HMCN1: variants seen among roughly 807,000 people sequenced by gnomAD.
The protein encoded by HMCN1 is hemicentin-1.
In HMCN1, 321 loss-of-function variants were observed where a neutral mutation model predicts 625.9. That is an observed-to-expected ratio of 0.51 (90% CI 0.47 to 0.56). The LOEUF (loss-of-function observed/expected upper bound fraction) is 0.56, where lower values mean the gene tolerates loss of function less well. Ranked by LOEUF, HMCN1 falls within the 20% of genes least tolerant of loss-of-function variation. HMCN1 has a pLI of 0.00. For synonymous variants in HMCN1, 2,425 were observed against 2,417.6 expected (o/e 1.00, Z -0.09); for missense variants, 6,588 against 6,887.3 (o/e 0.96, Z 1.54).
intron 96 of HMCN1, among the ~76,000 whole-genome samples, chr1:186,153,507 CTT>C (rs1196037682): frequency 6.6e-6 from 1 of 151,900 alleles, no homozygotes; most frequent in African/African-American, 2.4e-5. Context: ...TTTCTACAAA[CTT>C]ATTTTTCTAG....
chr1:185,993,090 G>T (rs1224135331), intron 22 of HMCN1, 92 bp from the exon 23 acceptor site: 4 of 1,259,550 alleles, frequency 3.2e-6, no homozygotes, highest in South Asian at 2.4e-5. Flanking sequence ...AAAACTACTT[G>T]CAGAGTAGTA....
At chr1:185,981,515 C>T (rs1219373056) in intron 17 of HMCN1, among the ~76,000 whole-genome samples, 2 of 151,940 alleles carry the variant, frequency 1.3e-5, no homozygotes, top group East Asian at 1.9e-4. Context: ...ACTAAAATAC[C>T]CATTTGATCA....
At chr1:186,109,393 C>T (rs1660775175) in intron 71 of HMCN1, among the ~76,000 whole-genome samples, 1 of 152,194 alleles carries the variant, frequency 6.6e-6, no homozygotes, top group Non-Finnish European at 1.5e-5. Flanking sequence ...ATGCATATCA[C>T]TTAACCCTCC....
intron 89 of HMCN1, among the ~76,000 whole-genome samples, chr1:186,140,006 A>T (rs1259100644): frequency 6.6e-6 from 1 of 152,186 alleles, no homozygotes; most frequent in Non-Finnish European, 1.5e-5. Flanking sequence ...AAGAGTTGCA[A>T]GAAGAGTACA....
chr1:186,006,434 A>T (rs1031695015), intron 29 of HMCN1, among the ~76,000 whole-genome samples: 3 of 152,156 alleles, frequency 2.0e-5, no homozygotes, highest in African/African-American at 7.2e-5. Flanking sequence ...GACTTTAACA[A>T]CCAAATTTTA....
chr1:186,162,064 C>A (rs1427254949), intron 97 of HMCN1, among the ~76,000 whole-genome samples: 1 of 152,190 alleles, frequency 6.6e-6, no homozygotes, highest in East Asian at 1.9e-4. Context: ...ACCAATCAGA[C>A]GTAGATTTGG....
chr1:186,087,882 G>A lies in HMCN1; in HGVS notation c.9364-50G>A, dbSNP rs373805338. The A allele has an allele frequency of 8.1e-6, 12 of 1,480,750 alleles. No individual in the cohort carries two copies. In the African/African-American group the frequency reaches 1.5e-4, roughly 19 times the overall value. The allele number at this position is 1,480,750 out of a possible 1,614,324, so 91.7% of individuals were successfully genotyped here. ...TAATCTAAACTCGAACAGTATGATT[G>A]GTCATCTATAACTTAATGGAGCACA... On this transcript the variant is annotated intron_variant, in intron 60 of 106. Coordinates refer to ENST00000271588, the MANE Select transcript of HMCN1 (RefSeq NM_031935.3).
intron 86 of HMCN1, 93 bp downstream of exon 86, chr1:186,132,502 T>G: frequency 1.0e-6 from 1 of 991,518 alleles, no homozygotes. Flanking sequence ...AGCAAGTTCA[T>G]TAGTGGTAGC....
chr1:186,070,976 T>C (rs1658444211), intron 52 of HMCN1, among the ~76,000 whole-genome samples: 1 of 152,190 alleles, frequency 6.6e-6, no homozygotes. Context: ...AAAGTTTGCA[T>C]AATTATTTTG....
At chr1:186,162,795 C>T (rs543282024) in intron 97 of HMCN1, among the ~76,000 whole-genome samples, 62 of 152,286 alleles carry the variant, frequency 4.1e-4, no homozygotes, top group African/African-American at 1.4e-3. Flanking sequence ...GAGGAGTACC[C>T]GGCCCTGTGA....
intron 4 of HMCN1, among the ~76,000 whole-genome samples, chr1:185,869,028 T>C (rs1002512541): frequency 1.3e-5 from 2 of 152,192 alleles, no homozygotes; most frequent in East Asian, 1.9e-4. Context: ...CTATCCATCA[T>C]AGCAATTCTA....
chr1:185,912,537 C>T, intron 6 of HMCN1, among the ~76,000 whole-genome samples: 1 of 151,890 alleles, frequency 6.6e-6, no homozygotes, highest in East Asian at 1.9e-4. Context: ...TGTGTGTGTC[C>T]CACTGTGGCA....
intron 81 of HMCN1, among the ~76,000 whole-genome samples, chr1:186,125,392 C>CAGTA (rs1228317356): frequency 6.6e-6 from 1 of 152,128 alleles, no homozygotes; most frequent in African/African-American, 2.4e-5. Context: ...TAAATATATT[C>CAGTA]AGTAAGTTCA....
chr1:185,989,005 CTTTTTT>C (rs569764243), intron 20 of HMCN1, among the ~76,000 whole-genome samples: 3,194 of 117,530 alleles, frequency 0.027, 58 homozygotes, highest in South Asian at 0.043. Context: ...ACTTTTAGTA[CTTTTTT>C]TTTTTTTTTT....
chr1:186,159,939 A>T (rs2102600070), intron 97 of HMCN1, among the ~76,000 whole-genome samples: 1 of 152,228 alleles, frequency 6.6e-6, no homozygotes, highest in South Asian at 2.1e-4. Flanking sequence ...GCCTCATAAA[A>T]TGAGTTAGGG....
rs557342614 is a variant in HMCN1 at position 185,957,568 on chromosome 1, T to A, written c.1829-4950T>A. ...TGAGGAGGATTTTTGAGGCTGGAGA[T>A]CAACCCAGGAGTCCTTGTTCAATCT... On this transcript the variant is annotated intron_variant, in intron 11 of 106. Coordinates refer to ENST00000271588, the MANE Select transcript of HMCN1 (RefSeq NM_031935.3). 7.9e-5 allele frequency among the ~76,000 whole-genome samples: 12 copies of A among 152,272 alleles called. No homozygotes were observed. The South Asian group carries it at 2.5e-3, about 32-fold the overall frequency.
chr1:186,026,949 A>G (rs1219122090), intron 36 of HMCN1, among the ~76,000 whole-genome samples: 1 of 151,752 alleles, frequency 6.6e-6, no homozygotes, highest in African/African-American at 2.4e-5. Context: ...TTTTTTTTTT[A>G]ATCTCAATCT....
At chr1:185,901,028 T>C (rs2102432917) in intron 4 of HMCN1, among the ~76,000 whole-genome samples, 1 of 152,034 alleles carries the variant, frequency 6.6e-6, no homozygotes, top group Non-Finnish European at 1.5e-5. Context: ...CAACCAGCAC[T>C]TCTATTGGGA....
chr1:185,766,738 C>T (rs975317346), intron 1 of HMCN1, among the ~76,000 whole-genome samples: 13 of 151,800 alleles, frequency 8.6e-5, no homozygotes, highest in East Asian at 1.9e-4. Flanking sequence ...CCTAAGCCTC[C>T]GAGAATTCCC....
Sources: allele counts gnomAD v4.1 joint callset (sites outside exome capture counted in the v4.1 genomes callset), GRCh38; gene constraint gnomAD v4.1.1; transcripts MANE v1.5; gene names NCBI Gene and HGNC (gene_info 2026-07-23, HGNC 2026-07-21).